The following ZBTB8A variants were observed in gnomAD, a reference collection of about 807,000 sequenced individuals.
ZBTB8A encodes the protein zinc finger and BTB domain-containing protein 8A.
Under a neutral mutation model 37.8 loss-of-function variants are expected in ZBTB8A, and 19 were observed. That is an observed-to-expected ratio of 0.50 (90% CI 0.35 to 0.74). ZBTB8A has a LOEUF of 0.74. Among genes scored for constraint, ZBTB8A ranks in the 30% least tolerant of loss-of-function variants. ZBTB8A has a pLI of 0.01. For synonymous variants in ZBTB8A, 181 were observed against 185.2 expected (o/e 0.98, Z 0.19); for missense variants, 394 against 537.8 (o/e 0.73, Z 2.65).
chr1:32,576,644 G>C (rs1644362736), intron 2 of ZBTB8A, among the ~76,000 whole-genome samples: 1 of 152,092 alleles, frequency 6.6e-6, no homozygotes, highest in Non-Finnish European at 1.5e-5. Context: ...GGCCAGGCTG[G>C]TCTCAAACTC....
At chr1:32,557,691 C>G (rs1001046913) in intron 2 of ZBTB8A, among the ~76,000 whole-genome samples, 1 of 152,214 alleles carries the variant, frequency 6.6e-6, no homozygotes, top group South Asian at 2.1e-4. Context: ...TCTCAAACTC[C>G]TGAGCTCAAA....
intron 1 of ZBTB8A, among the ~76,000 whole-genome samples, chr1:32,548,765 G>A (rs1479282393): frequency 6.6e-6 from 1 of 152,090 alleles, no homozygotes; most frequent in East Asian, 1.9e-4. Flanking sequence ...TTTATCAAGG[G>A]CTTGTTATAA....
At chr1:32,590,769 A>G (rs907220289) in intron 2 of ZBTB8A, among the ~76,000 whole-genome samples, 1 of 152,168 alleles carries the variant, frequency 6.6e-6, no homozygotes, top group African/African-American at 2.4e-5. Context: ...CTAAAGAGGT[A>G]TCCCTAACTT....
At chr1:32,556,767 C>T (rs1644206111) in intron 2 of ZBTB8A, among the ~76,000 whole-genome samples, 1 of 151,828 alleles carries the variant, frequency 6.6e-6, no homozygotes, top group South Asian at 2.1e-4. Flanking sequence ...GTCCCAGCTA[C>T]TCGGGAGGCT....
intron 2 of ZBTB8A, among the ~76,000 whole-genome samples, chr1:32,560,648 GT>G (rs1557705229): frequency 1.2e-5 from 1 of 84,964 alleles, no homozygotes; most frequent in East Asian, 4.0e-4. Context: ...TTGAGATGTA[GT>G]CTCACTCTCA....
intron 1 of ZBTB8A, among the ~76,000 whole-genome samples, chr1:32,547,165 A>G (rs567517119): frequency 4.3e-4 from 64 of 150,478 alleles, no homozygotes; most frequent in African/African-American, 1.4e-3. Context: ...GGGCCTTCCA[A>G]AGTGCTAGGA....
At chr1:32,587,986 A>G (rs899893803) in intron 2 of ZBTB8A, among the ~76,000 whole-genome samples, 15 of 152,164 alleles carry the variant, frequency 9.9e-5, no homozygotes, top group African/African-American at 3.6e-4. Flanking sequence ...GCTTCCAGAT[A>G]GCTGAACATG....
intron 1 of ZBTB8A, among the ~76,000 whole-genome samples, chr1:32,542,501 G>C (rs1258245340): frequency 2.0e-5 from 3 of 152,166 alleles, no homozygotes; most frequent in Non-Finnish European, 4.4e-5. Flanking sequence ...TTGAACCTGG[G>C]AGGCAGAGGT....
chr1:32,584,111 T>C lies in ZBTB8A; in HGVS notation c.-1-8820T>C, dbSNP rs183948531. Among the ~76,000 whole-genome samples, 60 of 152,108 alleles carry C rather than the reference T, an allele frequency of 3.9e-4. 1 individual carries two copies. Among genetic ancestry groups the C allele is most frequent in the African/African-American group, 1.4e-3 (60 of 41,488 alleles). On this transcript the variant is annotated intron_variant, in intron 2 of 4. Transcript: ENST00000373510. Reference sequence around the variant, plus strand: ...CAGAGACACACACGCAGGGAGAAGATGGCCATATGAAGACAGAGGCAGAGA... The same window carrying C: ...CAGAGACACACACGCAGGGAGAAGACGGCCATATGAAGACAGAGGCAGAGA...
intron 2 of ZBTB8A, among the ~76,000 whole-genome samples, chr1:32,553,898 A>G (rs916915603): frequency 5.9e-5 from 8 of 135,538 alleles, no homozygotes; most frequent in South Asian, 2.3e-4. Flanking sequence ...AAAAAAAAAA[A>G]AAAAAAAGGT....
chr1:32,598,291 G>T (rs1644548636), intron 4 of ZBTB8A, among the ~76,000 whole-genome samples: 1 of 137,330 alleles, frequency 7.3e-6, no homozygotes, highest in Non-Finnish European at 1.5e-5. Flanking sequence ...GGAGTGCAGT[G>T]GCACAATCTC....
Position 32,602,707 on chromosome 1 carries a change from AC to A in ZBTB8A, c.*2289del, listed in dbSNP as rs1644586724. On this transcript the variant is annotated 3_prime_UTR_variant, in exon 5 of 5. Transcript: ENST00000373510. ...CTGGGACTTACAGGCGCCCACCACC[AC>A]TCCCAGCTAATTTTTTGTATTTTTA... 6.7e-6 allele frequency: 1 copy of A among 149,536 alleles called. No individual in the cohort carries two copies. Among genetic ancestry groups the A allele is most frequent in the South Asian group, 2.1e-4 (1 of 4,668 alleles). The allele number at this position is 149,536 out of a possible 1,614,324, so 9.3% of individuals were successfully genotyped here. A position where few individuals can be genotyped will look rare whatever the true frequency, so the allele number is the denominator to read the frequency against.
intron 2 of ZBTB8A, among the ~76,000 whole-genome samples, chr1:32,562,534 G>T (rs1197866640): frequency 6.8e-6 from 1 of 147,234 alleles, no homozygotes; most frequent in Non-Finnish European, 1.5e-5. Context: ...GCCTCCTAAA[G>T]TGCTGGGATT....
chr1:32,541,751 T>C (rs12128448), intron 1 of ZBTB8A, among the ~76,000 whole-genome samples: 18,678 of 152,068 alleles, frequency 0.12, 1,252 homozygotes, highest in African/African-American at 0.2. Flanking sequence ...CAGAAGAGGC[T>C]AAACTCACTC....
At chr1:32,557,352 T>C (rs987110851) in intron 2 of ZBTB8A, among the ~76,000 whole-genome samples, 1 of 152,174 alleles carries the variant, frequency 6.6e-6, no homozygotes, top group African/African-American at 2.4e-5. Context: ...CTCTGGGATT[T>C]TGTTTTTGTT....
At position 32,593,316 on chromosome 1, in the gene ZBTB8A, A is replaced by G; in HGVS notation, c.385A>G (p.Lys129Glu). 1 of 1,614,218 alleles carries G rather than the reference A, an allele frequency of 6.2e-7. No homozygotes were observed. Residue 129 changes from lysine to glutamate, a missense_variant, in exon 3 of 5, where the codon AAA becomes GAA. Coordinates refer to ENST00000373510, the MANE Select transcript of ZBTB8A (RefSeq NM_001040441.3). ...TTCCTTAGACATTAGTGAGAAAGAA[A>G]AAGATCGCTATTTCAGTCTCTCAGA... ...KSSLDISEKE[K>E]DRYFSLSDKD...
At position 32,603,780 on chromosome 1, in the gene ZBTB8A, T is replaced by C. The variant is rs1644595753; in HGVS notation, c.*3361T>C. The C allele has an allele frequency of 6.6e-6, 1 of 152,654 alleles. No individual in the cohort carries two copies. Among genetic ancestry groups the C allele is most frequent in the Non-Finnish European group, 1.5e-5 (1 of 68,040 alleles). The allele number at this position is 152,654 out of a possible 1,614,324, so 9.5% of individuals were successfully genotyped here. A position where few individuals can be genotyped will look rare whatever the true frequency, so the allele number is the denominator to read the frequency against. On this transcript the variant is annotated 3_prime_UTR_variant, in exon 5 of 5. Coordinates refer to ENST00000373510, the MANE Select transcript of ZBTB8A (RefSeq NM_001040441.3). Reference sequence around the variant, plus strand: ...AATAATGCTTTCTCATAATTGTTTATAACGAGCATCAAACTATCCCCACAA... The same window carrying C: ...AATAATGCTTTCTCATAATTGTTTACAACGAGCATCAAACTATCCCCACAA...
Position 32,593,127 on chromosome 1 carries a change from G to A in ZBTB8A, c.196G>A (p.Ala66Thr), listed in dbSNP as rs1255296494. Residue 66 changes from alanine to threonine, a missense_variant, in exon 3 of 5, where the codon GCT (alanine) becomes ACT (threonine). By Grantham distance (58) the Ala-to-Thr change is moderately conservative. This residue lies in a region of ZBTB8A where 96 missense variants were observed against 165.6 expected (regional missense o/e 0.58). Transcript: ENST00000373510. ...NSKETSQPTT[A>T]TFQAFSPDTF... ...AAAGGAGACGAGTCAGCCAACCACA[G>A]CTACATTTCAGGCTTTCTCCCCTGA... The A allele has an allele frequency of 6.2e-7, 1 of 1,614,156 alleles. No homozygotes were observed.
At chr1:32,599,750 ATAAT>A (rs1391671797) in intron 4 of ZBTB8A, among the ~76,000 whole-genome samples, 4 of 151,964 alleles carry the variant, frequency 2.6e-5, no homozygotes, top group Non-Finnish European at 5.9e-5. Context: ...AATAATAAAA[ATAAT>A]TAAATAAGTA....
Sources: allele counts gnomAD v4.1 joint callset (sites outside exome capture counted in the v4.1 genomes callset), GRCh38; gene constraint gnomAD v4.1.1; regional missense constraint gnomAD v4.1.1; transcripts MANE v1.5; gene names NCBI Gene and HGNC (gene_info 2026-07-23, HGNC 2026-07-21).